The following PDGFRA variants were observed in gnomAD, a reference collection of about 807,000 sequenced individuals.
PDGFRA encodes the protein platelet-derived growth factor receptor alpha.
PDGFRA carries 25 observed loss-of-function variants against 121.5 expected under a neutral mutation model. The ratio of observed to expected loss-of-function variants is 0.21; its 90% CI spans 0.15 to 0.29. The LOEUF (loss-of-function observed/expected upper bound fraction) is 0.29, where lower values mean the gene tolerates loss of function less well. Ranked by LOEUF, PDGFRA falls within the 10% of genes least tolerant of loss-of-function variation. The pLI is 1.00. For missense variants in PDGFRA, 1,008 were observed against 1,345.1 expected (o/e 0.75, Z 3.92); for synonymous variants, 463 against 494.8 (o/e 0.94, Z 0.85).
intron 1 of PDGFRA, among the ~76,000 whole-genome samples, chr4:54,236,948 T>C (rs1385021811): frequency 1.3e-5 from 2 of 152,188 alleles, no homozygotes; most frequent in Non-Finnish European, 2.9e-5. Context: ...TCCTGATGGC[T>C]TGCTCAGAGG....
chr4:54,243,714 C>T (rs1393388361), intron 1 of PDGFRA: 2 of 152,802 alleles, frequency 1.3e-5, no homozygotes, highest in Non-Finnish European at 2.9e-5. Context: ...ACAGTGGGCG[C>T]AGGACAGTGG....
At chr4:54,268,819 C>A (rs1723177312) in intron 7 of PDGFRA, among the ~76,000 whole-genome samples, 1 of 152,166 alleles carries the variant, frequency 6.6e-6, no homozygotes, top group South Asian at 2.1e-4. Flanking sequence ...AGGGTAACAA[C>A]CCTGGTACAG....
intron 22 of PDGFRA, among the ~76,000 whole-genome samples, chr4:54,294,012 G>A (rs2110356224): frequency 6.6e-6 from 1 of 151,504 alleles, no homozygotes; most frequent in Middle Eastern, 3.4e-3. Context: ...ACCAATTTAG[G>A]TATAATATGT....
chr4:54,296,369 T>G lies in PDGFRA; in HGVS notation c.*1097T>G, dbSNP rs1577757612. The G allele has an allele frequency of 5.8e-4, 1 of 1,714 alleles. No individual in the cohort carries two copies. Among genetic ancestry groups the G allele is most frequent in the Non-Finnish European group, 2.0e-3 (1 of 492 alleles). 0.1% of individuals were successfully genotyped at this position (1,714 alleles called of 1,614,324 possible). ...GCAAAAAGACTGGATTTGCAGAAGT[T>G]TTTTTTTTTTTTTTCTTCATGCCTG... On this transcript the variant is annotated 3_prime_UTR_variant, in exon 23 of 23. Coordinates refer to ENST00000257290, the MANE Select transcript of PDGFRA (RefSeq NM_006206.6).
intron 1 of PDGFRA, among the ~76,000 whole-genome samples, chr4:54,231,672 G>T (rs1214080052): frequency 6.6e-6 from 1 of 152,254 alleles, no homozygotes. Flanking sequence ...GACCAGGCTC[G>T]CTTTGACGCC....
intron 8 of PDGFRA, among the ~76,000 whole-genome samples, chr4:54,271,213 GGTCCT>G (rs1723332472): frequency 6.6e-6 from 1 of 152,124 alleles, no homozygotes; most frequent in Admixed American, 6.5e-5. Flanking sequence ...ATTGTACAGT[GGTCCT>G]TACCAGAAGG....
chr4:54,244,627 G>T (rs1454523904), intron 1 of PDGFRA, among the ~76,000 whole-genome samples: 2 of 152,198 alleles, frequency 1.3e-5, no homozygotes, highest in African/African-American at 4.8e-5. Flanking sequence ...AAAAAACAGA[G>T]CAGAAAAACT....
chr4:54,267,378 A>G lies in PDGFRA; in HGVS notation c.849A>G (p.Lys283=), dbSNP rs1399641139. Residue 283 remains lysine (K), a synonymous_variant, in exon 6 of 23, where the codon AAA becomes AAG. Coordinates refer to ENST00000257290, the MANE Select transcript of PDGFRA (RefSeq NM_006206.6). ...YTLTVPEATV[K]DSGDYECAAR... Reference sequence around the variant, plus strand: ...TGACGGTCCCCGAGGCCACGGTGAAAGACAGTGGAGATTACGAATGTGCTG... The same window carrying G: ...TGACGGTCCCCGAGGCCACGGTGAAGGACAGTGGAGATTACGAATGTGCTG... 1.2e-6 allele frequency: 2 copies of G among 1,613,858 alleles called. No individual in the cohort carries two copies. Among genetic ancestry groups the G allele is most frequent in the Non-Finnish European group, 8.5e-7 (1 of 1,179,834 alleles).
chr4:54,267,225 A>G (rs1448436328), intron 5 of PDGFRA, 64 bp from the exon 6 acceptor site: 1 of 1,454,248 alleles, frequency 6.9e-7, no homozygotes, highest in Non-Finnish European at 9.7e-7. Context: ...TCCATAGTTT[A>G]TCTTAGAGTT....
chr4:54,281,462 C>G (rs1724073098), intron 16 of PDGFRA: 1 of 546,884 alleles, frequency 1.8e-6, no homozygotes, highest in Non-Finnish European at 2.9e-6. Flanking sequence ...CCATTCACTT[C>G]TCATTGCCAA....
Position 54,269,633 on chromosome 4 carries a change from A to AT in PDGFRA, c.1122-994dup, listed in dbSNP as rs1723223816. On this transcript the variant is annotated intron_variant, in intron 7 of 22. Transcript: ENST00000257290. ...ATATTTTTTTTTTTTGAAGAGGCAT[A>AT]TTTTTTCTAACTTTTTTTTTTTTTT... is the stretch of plus-strand genomic sequence containing the variant. 5.7e-5 allele frequency among the ~76,000 whole-genome samples: 8 copies of AT among 141,192 alleles called. No individual in the cohort carries two copies. The South Asian group carries it at 1.6e-3, about 28-fold the overall frequency. 92.6% of individuals were successfully genotyped at this position (141,192 alleles called of 152,430 possible). A position where few individuals can be genotyped will look rare whatever the true frequency, so the allele number is the denominator to read the frequency against.
intron 1 of PDGFRA, among the ~76,000 whole-genome samples, chr4:54,258,332 C>T (rs1224705069): frequency 4.6e-5 from 7 of 152,052 alleles, no homozygotes; most frequent in Admixed American, 4.6e-4. Flanking sequence ...GTCAAAATGG[C>T]ACTGAAATAT....
chr4:54,237,905 G>A (rs1721100643), intron 1 of PDGFRA, among the ~76,000 whole-genome samples: 1 of 152,192 alleles, frequency 6.6e-6, no homozygotes, highest in African/African-American at 2.4e-5. Flanking sequence ...TGGTGAAGTG[G>A]AGAGGGCATG....
chr4:54,258,180 C>G (rs1722478082), intron 1 of PDGFRA, among the ~76,000 whole-genome samples: 1 of 152,118 alleles, frequency 6.6e-6, no homozygotes, highest in Non-Finnish European at 1.5e-5. Flanking sequence ...CCCTGTTTAG[C>G]CTGGCTTGGG....
intron 16 of PDGFRA, among the ~76,000 whole-genome samples, chr4:54,281,068 G>T (rs1245315090): frequency 6.6e-6 from 1 of 152,152 alleles, no homozygotes; most frequent in Non-Finnish European, 1.5e-5. Context: ...TATTTTGAAG[G>T]TGGGTCTATC....
chr4:54,277,829 G>C lies in PDGFRA; in HGVS notation c.1892-67G>C. 3 of 1,008,310 alleles carry C rather than the reference G, an allele frequency of 3.0e-6. No homozygotes were observed. In the South Asian group the frequency reaches 3.9e-5, roughly 13 times the overall value. The allele number at this position is 1,008,310 out of a possible 1,614,324, so 62.5% of individuals were successfully genotyped here. On this transcript the variant is annotated intron_variant, in intron 13 of 22. Coordinates refer to ENST00000257290, the MANE Select transcript of PDGFRA (RefSeq NM_006206.6). ...CAATCACAGGATTAGTCATATTCTT[G>C]GTTTTTTTCTGAGAACAGGAAGTTG...
At chr4:54,232,217 G>T (rs928042659) in intron 1 of PDGFRA, among the ~76,000 whole-genome samples, 3 of 152,210 alleles carry the variant, frequency 2.0e-5, no homozygotes, top group Non-Finnish European at 4.4e-5. Context: ...GGGTCCAACC[G>T]CAGCATCAGC....
chr4:54,292,454 T>C (rs934145640), intron 22 of PDGFRA, among the ~76,000 whole-genome samples: 3 of 151,834 alleles, frequency 2.0e-5, no homozygotes, highest in African/African-American at 7.3e-5. Context: ...CACTTATAAG[T>C]GGGAGCTGAA....
Position 54,290,385 on chromosome 4 carries a change from G to A in PDGFRA, c.2953G>A (p.Asp985Asn), listed in dbSNP as rs1060501516. The A allele has an allele frequency of 2.5e-6, 4 of 1,613,442 alleles. No individual in the cohort carries two copies. The change falls in exon 22 of 23, where the codon GAC (aspartate) becomes AAC (asparagine). Residue 985 changes from aspartate (D) to asparagine (N), a missense_variant. This residue lies in a region of PDGFRA where 204 missense variants were observed against 243.0 expected (regional missense o/e 0.84). Transcript: ENST00000257290. ...PAVARMRVDS[D>N]NAYIGVTYKN... ...TGTGGCACGCATGCGTGTGGACTCA[G>A]ACAATGCATACATTGGTGTCACCTA... is the stretch of plus-strand genomic sequence containing the variant.
Sources: allele counts gnomAD v4.1 joint callset (sites outside exome capture counted in the v4.1 genomes callset), GRCh38; gene constraint gnomAD v4.1.1; regional missense constraint gnomAD v4.1.1; transcripts MANE v1.5; gene names NCBI Gene and HGNC (gene_info 2026-07-23, HGNC 2026-07-21).